WRN: variants seen among roughly 807,000 people sequenced by gnomAD.
WRN encodes the protein bifunctional 3'-5' exonuclease/ATP-dependent helicase WRN.
In WRN, 149 loss-of-function variants were observed where a neutral mutation model predicts 180.7. That is an observed-to-expected ratio of 0.82 (90% CI 0.72 to 0.94). The LOEUF (loss-of-function observed/expected upper bound fraction) is 0.94. WRN is among the 40% of genes least tolerant of loss of function. The pLI, the probability that WRN is intolerant of heterozygous loss-of-function variation, is 0.00. For missense variants in WRN, 1,661 were observed against 1,700.1 expected (o/e 0.98, Z 0.40); for synonymous variants, 548 against 568.9 (o/e 0.96, Z 0.52).
rs1803933445 is a variant in WRN at position 31,167,216 on chromosome 8, G to A, written c.4177G>A (p.Gly1393Ser). The change falls in exon 34 of 35, where the codon GGC (glycine) becomes AGC (serine). Residue 1393 changes from glycine to serine, a missense_variant. This residue lies in a region of WRN where 1,141 missense variants were observed against 1,149.4 expected (regional missense o/e 0.99). Coordinates refer to ENST00000298139, the MANE Select transcript of WRN (RefSeq NM_000553.6). ...SSSKRSKEEV[G>S]INTETSSAER... is the part of the protein sequence containing the mutation. ...TTCTAAGAGAAGCAAGGAAGAAGTA[G>A]GCATCAATACTGAGGTATTAATTAT... 1 of 1,612,796 alleles carries A rather than the reference G, an allele frequency of 6.2e-7. No individual in the cohort carries two copies.
intron 24 of WRN, among the ~76,000 whole-genome samples, chr8:31,135,408 G>A (rs1351756240): frequency 6.6e-6 from 1 of 152,036 alleles, no homozygotes; most frequent in African/African-American, 2.4e-5. Context: ...TATTAAACAT[G>A]TATTTTTGTA....
intron 22 of WRN, 125 bp downstream of exon 22, chr8:31,124,748 A>T: frequency 8.2e-7 from 1 of 1,220,446 alleles, no homozygotes; most frequent in Non-Finnish European, 1.2e-6. Context: ...ATGTGTGCTG[A>T]ATTTTTAAGG....
intron 21 of WRN, among the ~76,000 whole-genome samples, chr8:31,123,592 A>G (rs1395210559): frequency 1.3e-5 from 2 of 152,150 alleles, no homozygotes; most frequent in Non-Finnish European, 2.9e-5. Flanking sequence ...AGAATTATGC[A>G]GAGGTATTTA....
At chr8:31,113,189 G>C (rs1257829297) in intron 19 of WRN, among the ~76,000 whole-genome samples, 25 of 141,392 alleles carry the variant, frequency 1.8e-4, no homozygotes, top group African/African-American at 4.9e-4. Flanking sequence ...CTGGATGACA[G>C]AGCAAGGCCC....
chr8:31,137,493 A>G (rs2130395853), intron 24 of WRN, among the ~76,000 whole-genome samples: 1 of 152,206 alleles, frequency 6.6e-6, no homozygotes, highest in South Asian at 2.1e-4. Flanking sequence ...CAGGGAAGGA[A>G]AGCCAACTAG....
intron 18 of WRN, among the ~76,000 whole-genome samples, chr8:31,107,963 CATGA>C (rs1449041157): frequency 6.6e-6 from 1 of 152,130 alleles, no homozygotes; most frequent in East Asian, 1.9e-4. Context: ...AGAATGAGTG[CATGA>C]ATGAATGAAG....
intron 23 of WRN, among the ~76,000 whole-genome samples, chr8:31,130,868 A>G (rs1171243228): frequency 6.6e-6 from 1 of 152,202 alleles, no homozygotes; most frequent in African/African-American, 2.4e-5. Flanking sequence ...TGCTAAAACT[A>G]TGACAGCAAA....
intron 1 of WRN, among the ~76,000 whole-genome samples, chr8:31,052,577 G>A (rs1179329351): frequency 6.6e-6 from 1 of 151,956 alleles, no homozygotes; most frequent in African/African-American, 2.4e-5. Context: ...TAGTAGAGAC[G>A]GGGTTTCGCC....
At chr8:31,098,752 A>G (rs1457696459) in intron 17 of WRN, among the ~76,000 whole-genome samples, 1 of 152,186 alleles carries the variant, frequency 6.6e-6, no homozygotes, top group Non-Finnish European at 1.5e-5. Flanking sequence ...ATAGTTTTAT[A>G]GGGAGGCTCC....
chr8:31,087,659 C>A, intron 11 of WRN, 117 bp from the exon 12 acceptor site: 1 of 1,000,030 alleles, frequency 1.0e-6, no homozygotes, highest in Non-Finnish European at 1.5e-6. Context: ...ATGGCTTGCA[C>A]ATCTGCCAGC....
At chr8:31,061,192 T>G (rs1303816821) in intron 3 of WRN, among the ~76,000 whole-genome samples, 1 of 152,128 alleles carries the variant, frequency 6.6e-6, no homozygotes, top group Non-Finnish European at 1.5e-5. Context: ...TCATTTTGAA[T>G]AGCTTGAATA....
At chr8:31,085,104 G>T (rs1241686257) in intron 10 of WRN, 62 bp from the exon 11 acceptor site, 2 of 1,543,272 alleles carry the variant, frequency 1.3e-6, no homozygotes, top group African/African-American at 1.4e-5. Context: ...GCTTTGTTCT[G>T]CAGAAAAGAG....
chr8:31,100,998 T>C, intron 18 of WRN, 43 bp downstream of exon 18: 2 of 1,522,056 alleles, frequency 1.3e-6, no homozygotes, highest in African/African-American at 1.4e-5. Context: ...ACATTCTTAA[T>C]AAGGAGAGCA....
intron 1 of WRN, among the ~76,000 whole-genome samples, chr8:31,038,919 A>T (rs1811547626): frequency 6.6e-6 from 1 of 152,128 alleles, no homozygotes; most frequent in South Asian, 2.1e-4. Flanking sequence ...TCTCAATTCT[A>T]TTCTATTGTA....
chr8:31,147,829 C>A (rs961585695), intron 30 of WRN, among the ~76,000 whole-genome samples: 4 of 151,234 alleles, frequency 2.6e-5, no homozygotes, highest in Non-Finnish European at 4.4e-5. Context: ...AACCTCTGAT[C>A]TGAATTTTCT....
chr8:31,106,230 C>G (rs1266181993), intron 18 of WRN, among the ~76,000 whole-genome samples: 1 of 152,090 alleles, frequency 6.6e-6, no homozygotes, highest in Non-Finnish European at 1.5e-5. Context: ...CCTGCCATTC[C>G]CCAGGTACGG....
intron 1 of WRN, among the ~76,000 whole-genome samples, chr8:31,047,041 T>C (rs1485510928): frequency 6.6e-6 from 1 of 152,206 alleles, no homozygotes; most frequent in Non-Finnish European, 1.5e-5. Flanking sequence ...CAGTTTCTTT[T>C]TTACCAGTCT....
chr8:31,042,316 TCTA>T (rs1188600620), intron 1 of WRN, among the ~76,000 whole-genome samples: 5 of 152,196 alleles, frequency 3.3e-5, no homozygotes, highest in African/African-American at 1.2e-4. Flanking sequence ...AAGCTTGTGA[TCTA>T]CTAGACAAGT....
intron 24 of WRN, among the ~76,000 whole-genome samples, chr8:31,134,792 AT>A (rs1289082522): frequency 6.6e-6 from 1 of 152,142 alleles, no homozygotes; most frequent in East Asian, 1.9e-4. Flanking sequence ...CACTCTTGTA[AT>A]TTTCAAACTA....
Sources: gnomAD v4.1 joint callset for allele counts (sites outside exome capture counted in the v4.1 genomes callset) on GRCh38, gnomAD v4.1.1 for gene constraint, gnomAD v4.1.1 regional missense constraint, MANE v1.5 for transcripts, NCBI Gene and HGNC (gene_info 2026-07-23, HGNC 2026-07-21) for gene names.